The following OR3A2 variants were observed in gnomAD, a reference collection of about 807,000 sequenced individuals.
OR3A2 encodes the protein olfactory receptor 3A2.
For missense variants in OR3A2, 318 were observed against 392.8 expected (o/e 0.81, Z 1.61); for synonymous variants, 126 against 159.3 (o/e 0.79, Z 1.57).
intron 3 of OR3A2, among the ~76,000 whole-genome samples, chr17:3,296,652 T>C (rs1220762341): frequency 3.3e-5 from 5 of 152,212 alleles, no homozygotes; most frequent in Non-Finnish European, 5.9e-5. Context: ...AAAGTCACTT[T>C]ACCCCAATCT....
intron 3 of OR3A2, among the ~76,000 whole-genome samples, chr17:3,312,141 T>C (rs918021967): frequency 1.9e-4 from 29 of 152,092 alleles, no homozygotes; most frequent in Non-Finnish European, 4.3e-4. Flanking sequence ...AAGTTACTGA[T>C]ACAAAGTGAA....
chr17:3,372,542 C>T (rs1477900354), intron 2 of OR3A2, among the ~76,000 whole-genome samples: 1 of 152,044 alleles, frequency 6.6e-6, no homozygotes, highest in Non-Finnish European at 1.5e-5. Flanking sequence ...CCATTGAGCA[C>T]TGAGTGAACG....
intron 2 of OR3A2, among the ~76,000 whole-genome samples, chr17:3,358,056 G>A (rs761735609): frequency 3.3e-5 from 5 of 151,578 alleles, no homozygotes; most frequent in African/African-American, 7.3e-5. Flanking sequence ...ACGAGGTCTC[G>A]AAGAGGCTGA....
chr17:3,371,310 G>A (rs2049615965), intron 2 of OR3A2, among the ~76,000 whole-genome samples: 1 of 149,980 alleles, frequency 6.7e-6, no homozygotes, highest in South Asian at 2.1e-4. Flanking sequence ...TCACTTCCCA[G>A]TAGGGGCGGC....
intron 3 of OR3A2, among the ~76,000 whole-genome samples, chr17:3,299,357 T>G (rs961226349): frequency 1.4e-4 from 21 of 152,268 alleles, no homozygotes; most frequent in Non-Finnish European, 2.9e-4. Context: ...AATGCAGTGC[T>G]TTCTCCCTCA....
intron 2 of OR3A2, among the ~76,000 whole-genome samples, chr17:3,346,023 G>T (rs931842759): frequency 3.3e-5 from 5 of 152,014 alleles, no homozygotes. Flanking sequence ...CAGCAGGCTA[G>T]GTGTTTTGTA....
chr17:3,368,846 T>C (rs1481811676), intron 2 of OR3A2, among the ~76,000 whole-genome samples: 2 of 152,210 alleles, frequency 1.3e-5, no homozygotes, highest in Non-Finnish European at 2.9e-5. Context: ...ATTTTCACAA[T>C]ATTGATTCTA....
intron 3 of OR3A2, among the ~76,000 whole-genome samples, chr17:3,305,963 T>C (rs534094878): frequency 2.6e-5 from 4 of 152,344 alleles, no homozygotes; most frequent in African/African-American, 9.6e-5. Context: ...AAAATAGTAC[T>C]GTGCTCAATT....
intron 2 of OR3A2, among the ~76,000 whole-genome samples, chr17:3,349,635 T>C (rs2049401870): frequency 6.6e-6 from 1 of 151,380 alleles, no homozygotes; most frequent in East Asian, 1.9e-4. Flanking sequence ...AGACAGAAAG[T>C]CAACAAGGAT....
intron 2 of OR3A2, among the ~76,000 whole-genome samples, chr17:3,370,315 G>C (rs1435059390): frequency 1.3e-5 from 2 of 152,162 alleles, no homozygotes; most frequent in Non-Finnish European, 2.9e-5. Context: ...TGTGCATAAA[G>C]GTGTTCACAG....
At chr17:3,370,676 G>T (rs902676921) in intron 2 of OR3A2, among the ~76,000 whole-genome samples, 3 of 151,354 alleles carry the variant, frequency 2.0e-5, no homozygotes, top group Admixed American at 6.6e-5. Flanking sequence ...TCTCGCAGAG[G>T]GGGATTTGGC....
exon 2 of OR3A2, chr17:3,278,532 A>T: frequency 1.2e-6 from 2 of 1,613,636 alleles, no homozygotes; most frequent in Non-Finnish European, 1.7e-6. Context: ...GGGCTGGCAG[A>T]TGGCCAGGAG....
At chr17:3,308,057 T>C (rs543502040) in intron 3 of OR3A2, among the ~76,000 whole-genome samples, 1 of 152,348 alleles carries the variant, frequency 6.6e-6, no homozygotes, top group East Asian at 1.9e-4. Flanking sequence ...TGCTCAAAAA[T>C]ATTTTTGTTA....
chr17:3,304,830 A>T (rs1385234767), intron 3 of OR3A2, among the ~76,000 whole-genome samples: 1 of 152,238 alleles, frequency 6.6e-6, no homozygotes, highest in African/African-American at 2.4e-5. Context: ...AATAAAAAAT[A>T]AACTATTGAT....
At chr17:3,365,893 G>A (rs1234993764) in intron 2 of OR3A2, among the ~76,000 whole-genome samples, 1 of 152,214 alleles carries the variant, frequency 6.6e-6, no homozygotes, top group Non-Finnish European at 1.5e-5. Flanking sequence ...GAAGATCACA[G>A]CATCAAAGGG....
chr17:3,337,976 G>A (rs951662581), intron 2 of OR3A2, among the ~76,000 whole-genome samples: 1 of 152,184 alleles, frequency 6.6e-6, no homozygotes, highest in African/African-American at 2.4e-5. Context: ...TCTAACTGGT[G>A]TGAGATGGTA....
At chr17:3,287,271 T>G (rs944644771), upstream of OR3A2, among the ~76,000 whole-genome samples, 1 of 124,012 alleles carries the variant, frequency 8.1e-6, no homozygotes, top group African/African-American at 2.9e-5. Flanking sequence ...ATCCACAGAG[T>G]GCAGAGTGGT....
chr17:3,316,993 T>C (rs2049086482), intron 3 of OR3A2, among the ~76,000 whole-genome samples: 1 of 152,220 alleles, frequency 6.6e-6, no homozygotes, highest in South Asian at 2.1e-4. Flanking sequence ...TTCACTCACC[T>C]ACTACATAGT....
intron 2 of OR3A2, among the ~76,000 whole-genome samples, chr17:3,366,889 C>G (rs2049568901): frequency 6.6e-6 from 1 of 152,186 alleles, no homozygotes; most frequent in Admixed American, 6.5e-5. Flanking sequence ...GGAATCCCTC[C>G]CAGCCAATGT....
Sources: gnomAD v4.1 joint callset for allele counts (sites outside exome capture counted in the v4.1 genomes callset) on GRCh38, gnomAD v4.1.1 for gene constraint, MANE v1.5 for transcripts, NCBI Gene and HGNC (gene_info 2026-07-23, HGNC 2026-07-21) for gene names.